Variants in TUBGCP3 observed in about 807,000 individuals in gnomAD.
TUBGCP3 encodes gamma-tubulin complex component 3.
Under a neutral mutation model 123.1 loss-of-function variants are expected in TUBGCP3, and 50 were observed. That is an observed-to-expected ratio of 0.41 (90% CI 0.32 to 0.51). The LOEUF (loss-of-function observed/expected upper bound fraction) is 0.51, where lower values mean the gene tolerates loss of function less well. Ranked by LOEUF, TUBGCP3 falls within the 20% of genes least tolerant of loss-of-function variation. TUBGCP3 has a pLI of 0.36. For missense variants in TUBGCP3, 882 were observed against 1,127.0 expected (o/e 0.78, Z 3.11); for synonymous variants, 405 against 413.9 (o/e 0.98, Z 0.26).
chr13:112,571,250 T>C (rs771105527), intron 1 of TUBGCP3, among the ~76,000 whole-genome samples: 11 of 152,246 alleles, frequency 7.2e-5, no homozygotes, highest in Non-Finnish European at 1.2e-4. Context: ...ATGGCAACTA[T>C]AGCCTTATAA....
the TUBGCP3 span, among the ~76,000 whole-genome samples, chr13:112,595,095 G>A: frequency 6.6e-6 from 1 of 152,156 alleles, no homozygotes; most frequent in Non-Finnish European, 1.5e-5. Context: ...CTCTGTCCTT[G>A]TGAATTTTCT....
intron 18 of TUBGCP3, 111 bp from the exon 19 acceptor site, chr13:112,504,274 G>A: frequency 7.2e-7 from 1 of 1,391,550 alleles, no homozygotes. Context: ...GATCACCTGA[G>A]ATCAGGAGTT....
intron 14 of TUBGCP3, 53 bp downstream of exon 14, chr13:112,522,267 C>A: frequency 3.0e-6 from 4 of 1,315,124 alleles, no homozygotes; most frequent in Non-Finnish European, 4.1e-6. Context: ...ATACAAGATT[C>A]CTTATCATGT....
intron 1 of TUBGCP3, 31 bp from the exon 2 acceptor site, chr13:112,569,290 T>C (rs1380655415): frequency 1.2e-6 from 2 of 1,609,666 alleles, no homozygotes; most frequent in Admixed American, 1.7e-5. Context: ...TGCGGATTGT[T>C]ACCAACCAGG....
At position 112,554,929 on chromosome 13, in the gene TUBGCP3, G is replaced by C; in HGVS notation, c.798C>G (p.Ile266Met). 1 of 1,612,562 alleles carries C rather than the reference G, an allele frequency of 6.2e-7. No individual in the cohort carries two copies. Among genetic ancestry groups the C allele is most frequent in the South Asian group, 1.1e-5 (1 of 90,544 alleles). Residue 266 changes from isoleucine to methionine, a missense_variant, in exon 7 of 22, where the codon ATC (isoleucine) becomes ATG (methionine). Physicochemically the swap from Ile to Met is conservative, Grantham distance 10 (BLOSUM62 1). Transcript: ENST00000261965. ...AACAATTTTCAGTGTTGTTCATTTTGATGTTTTTGCCATCTATGCCCTGAA... is the reference window on the plus strand; with the variant it reads ...AACAATTTTCAGTGTTGTTCATTTTCATGTTTTTGCCATCTATGCCCTGAA... ...YVFQGIDGKN[I>M]KMNNTENCYK...
chr13:112,547,661 AT>A lies in TUBGCP3; in HGVS notation c.1126del (p.Ile376TyrfsTer3), dbSNP rs1296513255. ...TAGGGCCGCAAGGGTCTTCAGTCGTATTTTGGGATCATAGGTCCAAACCAGG... is the reference window on the plus strand; with the variant it reads ...TAGGGCCGCAAGGGTCTTCAGTCGTATTTGGGATCATAGGTCCAAACCAGG... ...RLLVWTYDPK[I>X]RLKTLAALVD... On this transcript the variant is annotated frameshift_variant, in exon 10 of 22. Transcript: ENST00000261965. LOFTEE classifies it high-confidence loss of function. The A allele has an allele frequency of 5.7e-6, 9 of 1,583,646 alleles. No individual in the cohort carries two copies. The highest frequency in any genetic ancestry group is 1.4e-5 in the African/African-American group (1 of 73,728).
intron 11 of TUBGCP3, among the ~76,000 whole-genome samples, chr13:112,543,876 A>G (rs898067086): frequency 3.9e-5 from 6 of 152,236 alleles, no homozygotes; most frequent in African/African-American, 1.2e-4. Flanking sequence ...ACAAATCCAT[A>G]AGAAAAATGG....
In TUBGCP3 at chr13:112,504,052, G is replaced by A. The variant is rs1414607352; in HGVS notation, c.2287C>T (p.Leu763=). ...CTTACCCTGGAGTCACTGTCCAGCA[G>A]GCAGCGGGAGATGATGGTGTCTAAG... ...VFLDTIISRC[L]LDSDSRALLN... is the part of the protein sequence containing the mutation. The change falls in exon 19 of 22, where the codon CTG becomes TTG. Residue 763 remains leucine (L), a synonymous_variant. Coordinates refer to ENST00000261965, the MANE Select transcript of TUBGCP3 (RefSeq NM_006322.6). 1.2e-6 allele frequency: 2 copies of A among 1,613,860 alleles called. No individual in the cohort carries two copies. The highest frequency in any genetic ancestry group is 1.7e-4 in the Middle Eastern group (1 of 6,056).
At chr13:112,514,543 A>G (rs559733219) in intron 17 of TUBGCP3, among the ~76,000 whole-genome samples, 3 of 152,238 alleles carry the variant, frequency 2.0e-5, no homozygotes, top group East Asian at 1.9e-4. Flanking sequence ...TTTAAAAAGC[A>G]TAAAAGTTGA....
intron 16 of TUBGCP3, among the ~76,000 whole-genome samples, chr13:112,517,309 C>G (rs573239121): frequency 5.9e-5 from 9 of 152,138 alleles, no homozygotes; most frequent in Non-Finnish European, 1.0e-4. Flanking sequence ...TTCCTCGAGT[C>G]CTTCTACTAA....
At chr13:112,514,489 A>C (rs988797576) in intron 17 of TUBGCP3, among the ~76,000 whole-genome samples, 1 of 152,200 alleles carries the variant, frequency 6.6e-6, no homozygotes, top group Non-Finnish European at 1.5e-5. Flanking sequence ...CCATCTTAAA[A>C]ATAAAAAGTG....
At chr13:112,514,249 T>C (rs1283587541) in intron 17 of TUBGCP3, among the ~76,000 whole-genome samples, 1 of 135,338 alleles carries the variant, frequency 7.4e-6, no homozygotes, top group Non-Finnish European at 1.5e-5. Context: ...AAAAGCAGTA[T>C]ACGTAAGGTT....
chr13:112,549,359 G>A (rs979434383), intron 8 of TUBGCP3, among the ~76,000 whole-genome samples: 4 of 151,958 alleles, frequency 2.6e-5, no homozygotes, highest in South Asian at 2.1e-4. Flanking sequence ...GGGGAGGGAT[G>A]GCATTAGGAG....
intron 19 of TUBGCP3, among the ~76,000 whole-genome samples, chr13:112,503,135 C>T (rs561507717): frequency 2.3e-4 from 35 of 152,260 alleles, no homozygotes; most frequent in South Asian, 1.5e-3. Flanking sequence ...CGGAAACATC[C>T]GTGAAGTCTC....
chr13:112,520,067 TAATG>T, intron 14 of TUBGCP3, 46 bp from the exon 15 acceptor site: 1 of 1,556,076 alleles, frequency 6.4e-7, no homozygotes, highest in Non-Finnish European at 8.7e-7. Context: ...CTTCAATTCT[TAATG>T]AACTTTAAAA....
intron 8 of TUBGCP3, among the ~76,000 whole-genome samples, chr13:112,553,267 C>T (rs1879739628): frequency 6.6e-6 from 1 of 152,234 alleles, no homozygotes; most frequent in African/African-American, 2.4e-5. Flanking sequence ...CAGCCATGCT[C>T]TTCTCCATCA....
At chr13:112,552,166 T>A (rs1324984522) in intron 8 of TUBGCP3, among the ~76,000 whole-genome samples, 1 of 152,212 alleles carries the variant, frequency 6.6e-6, no homozygotes, top group Non-Finnish European at 1.5e-5. Context: ...CTATAAAACA[T>A]AATATGATAC....
At chr13:112,494,634 A>G (rs981593329) in intron 20 of TUBGCP3, among the ~76,000 whole-genome samples, 2 of 152,146 alleles carry the variant, frequency 1.3e-5, no homozygotes, top group Non-Finnish European at 2.9e-5. Context: ...ACATACATGT[A>G]CTCGACTATA....
intron 1 of TUBGCP3, among the ~76,000 whole-genome samples, chr13:112,585,137 C>G (rs1165958922): frequency 6.6e-6 from 1 of 152,082 alleles, no homozygotes; most frequent in African/African-American, 2.4e-5. Context: ...GCCTTGATTT[C>G]ATAGTACTAA....
Sources: gnomAD v4.1 joint callset for allele counts (sites outside exome capture counted in the v4.1 genomes callset) on GRCh38, gnomAD v4.1.1 for gene constraint, MANE v1.5 for transcripts, NCBI Gene and HGNC (gene_info 2026-07-23, HGNC 2026-07-21) for gene names.